Variants in RORA observed in about 807,000 individuals in gnomAD.
The protein encoded by RORA is nuclear receptor ROR-alpha.
RORA carries 7 observed loss-of-function variants against 69.5 expected under a neutral mutation model. The ratio of observed to expected loss-of-function variants is 0.10; its 90% CI spans 0.06 to 0.19. The LOEUF (loss-of-function observed/expected upper bound fraction) is 0.19, where lower values mean the gene tolerates loss of function less well. RORA is among the 10% of genes least tolerant of loss of function. RORA has a pLI of 1.00. For missense variants in RORA, 457 were observed against 663.0 expected (o/e 0.69, Z 3.41); for synonymous variants, 261 against 240.8 (o/e 1.08, Z -0.78).
At chr15:61,020,277 T>A (rs761675699) in intron 1 of RORA, among the ~76,000 whole-genome samples, 1 of 152,120 alleles carries the variant, frequency 6.6e-6, no homozygotes, top group Non-Finnish European at 1.5e-5. Flanking sequence ...TAACATTCCA[T>A]CCTCTCTCCT....
chr15:60,671,540 G>A (rs1048519131), intron 2 of RORA, among the ~76,000 whole-genome samples: 2 of 152,028 alleles, frequency 1.3e-5, no homozygotes, highest in East Asian at 3.9e-4. Flanking sequence ...ACTTTGGGAG[G>A]CTGAGGCAGG....
chr15:60,771,361 T>G (rs533786803), intron 1 of RORA, among the ~76,000 whole-genome samples: 1 of 152,334 alleles, frequency 6.6e-6, no homozygotes, highest in African/African-American at 2.4e-5. Context: ...TGTGGCCCAT[T>G]CATTGGTACA....
At chr15:60,579,835 ACTT>A (rs2140479847) in intron 2 of RORA, among the ~76,000 whole-genome samples, 1 of 152,136 alleles carries the variant, frequency 6.6e-6, no homozygotes, top group Admixed American at 6.5e-5. Context: ...TAGTTCTTTA[ACTT>A]CTTGCTTTCT....
intron 1 of RORA, among the ~76,000 whole-genome samples, chr15:61,124,478 A>T (rs1244620484): frequency 6.6e-6 from 1 of 152,196 alleles, no homozygotes. Context: ...TCTCATCAGG[A>T]AGCTCAGGAG....
At chr15:60,737,898 C>T (rs7170521) in intron 1 of RORA, among the ~76,000 whole-genome samples, 17 of 152,288 alleles carry the variant, frequency 1.1e-4, no homozygotes, top group African/African-American at 4.1e-4. Flanking sequence ...GCAGAGACTT[C>T]GGTGACAGCC....
chr15:60,951,479 C>T lies in RORA; in HGVS notation c.167-272793G>A, dbSNP rs537180719. 5.3e-5 allele frequency among the ~76,000 whole-genome samples: 8 copies of T among 151,218 alleles called. No individual in the cohort carries two copies. In the East Asian group the frequency reaches 1.2e-3, roughly 22 times the overall value. On this transcript the variant is annotated intron_variant, in intron 1 of 10. Coordinates refer to ENST00000335670, the MANE Select transcript of RORA (RefSeq NM_134261.3). ...GGAAACAGAGACACAAAAAACCCTT[C>T]AAAAAATTAAGGAATCCAGGAGCTG...
At chr15:61,187,736 G>C (rs1383443983) in intron 1 of RORA, among the ~76,000 whole-genome samples, 1 of 152,162 alleles carries the variant, frequency 6.6e-6, no homozygotes, top group Non-Finnish European at 1.5e-5. Flanking sequence ...GCATAAAAGG[G>C]AAAGAAAAAG....
At chr15:61,010,812 C>G (rs1255501951) in intron 1 of RORA, among the ~76,000 whole-genome samples, 1 of 152,072 alleles carries the variant, frequency 6.6e-6, no homozygotes, top group East Asian at 1.9e-4. Context: ...GAGATGAGGA[C>G]TGTTGGCTGG....
chr15:61,141,968 T>C (rs974511658), intron 1 of RORA, among the ~76,000 whole-genome samples: 13 of 151,580 alleles, frequency 8.6e-5, no homozygotes, highest in African/African-American at 2.7e-4. Context: ...CTGGGCTAAG[T>C]GGAAAAGGGG....
chr15:60,624,580 T>C (rs1297107307), intron 2 of RORA, among the ~76,000 whole-genome samples: 6 of 149,060 alleles, frequency 4.0e-5, no homozygotes, highest in Non-Finnish European at 5.9e-5. Flanking sequence ...ATATATTATA[T>C]ATACACACAC....
intron 2 of RORA, among the ~76,000 whole-genome samples, chr15:60,615,460 C>T (rs2069213496): frequency 6.6e-6 from 1 of 152,158 alleles, no homozygotes; most frequent in Non-Finnish European, 1.5e-5. Context: ...ATGGGGCCTC[C>T]AAGGACTTAT....
intron 1 of RORA, among the ~76,000 whole-genome samples, chr15:61,156,823 C>T (rs2140879264): frequency 6.6e-6 from 1 of 152,248 alleles, no homozygotes; most frequent in East Asian, 1.9e-4. Context: ...TGGCCCATAT[C>T]AAGGATTTGC....
chr15:60,704,590 A>C (rs1300800477), intron 1 of RORA, among the ~76,000 whole-genome samples: 1 of 152,258 alleles, frequency 6.6e-6, no homozygotes, highest in Non-Finnish European at 1.5e-5. Flanking sequence ...AACCTCCCAA[A>C]ATGAAATAAA....
At position 61,078,818 on chromosome 15, in the gene RORA, C is replaced by A. The variant is rs182980737; in HGVS notation, c.166+150235G>T. On this transcript the variant is annotated intron_variant, in intron 1 of 10. Transcript: ENST00000335670. The stretch of plus-strand genomic sequence containing the variant: ...ACCCACCCACCCACCTACCTACCTA[C>A]CTGCCTACCTATCTCATGGAATCAG... 1.6e-3 allele frequency among the ~76,000 whole-genome samples: 243 copies of A among 152,242 alleles called. 1 individual carries two copies. Among genetic ancestry groups the A allele is most frequent in the Non-Finnish European group, 2.3e-3 (159 of 68,012 alleles).
In RORA at chr15:60,584,955, AT is replaced by A. The variant is rs553010499; in HGVS notation, c.197-53105del. Among the ~76,000 whole-genome samples, 966 of 151,886 alleles carry A rather than the reference AT, an allele frequency of 6.4e-3. 3 individuals are homozygous for A. Among genetic ancestry groups the A allele is most frequent in the Non-Finnish European group, 0.011 (724 of 67,906 alleles). ...AAACAGCAGTTTTTCCTTGCTTTTT[AT>A]TTTTTTTCTTCTTTTTCATGAAACG... is the stretch of plus-strand genomic sequence containing the variant. On this transcript the variant is annotated intron_variant, in intron 2 of 10. Transcript: ENST00000335670.
intron 1 of RORA, among the ~76,000 whole-genome samples, chr15:60,885,943 C>T (rs114639421): frequency 1.3e-5 from 2 of 152,182 alleles, no homozygotes; most frequent in African/African-American, 2.4e-5. Context: ...TCTGTGTTAA[C>T]GTCCAATTTT....
At chr15:60,767,422 A>G (rs776804858) in intron 1 of RORA, among the ~76,000 whole-genome samples, 5 of 152,200 alleles carry the variant, frequency 3.3e-5, no homozygotes, top group Non-Finnish European at 5.9e-5. Flanking sequence ...CCATTATAAT[A>G]TCCACTTCAC....
chr15:60,591,974 C>G (rs990713467), intron 2 of RORA, among the ~76,000 whole-genome samples: 1 of 151,984 alleles, frequency 6.6e-6, no homozygotes, highest in African/African-American at 2.4e-5. Context: ...CCGACCTAGG[C>G]CGGAGCTGTC....
In RORA at chr15:60,782,751, A is replaced by G. The variant is rs1247746358; in HGVS notation, c.167-104065T>C. 2.0e-5 allele frequency among the ~76,000 whole-genome samples: 3 copies of G among 152,200 alleles called. No homozygotes were observed. The East Asian group carries it at 5.8e-4, about 29-fold the overall frequency. ...TAAGTGAACATGTGGGAAAATGTTC[A>G]TCCCTGCTAGTAATAAAAAATGCAA... On this transcript the variant is annotated intron_variant, in intron 1 of 10. Coordinates refer to ENST00000335670, the MANE Select transcript of RORA (RefSeq NM_134261.3).
Sources: gnomAD v4.1 joint callset for allele counts (sites outside exome capture counted in the v4.1 genomes callset) on GRCh38, gnomAD v4.1.1 for gene constraint, MANE v1.5 for transcripts, NCBI Gene and HGNC (gene_info 2026-07-23, HGNC 2026-07-21) for gene names.